EYS: variants seen among roughly 807,000 people sequenced by gnomAD.
EYS encodes the protein protein eyes shut homolog.
A neutral mutation model predicts 282.1 loss-of-function variants in EYS; 250 were observed. The observed-to-expected ratio is 0.89, with a 90% CI of 0.80 to 0.98. EYS has a LOEUF of 0.98. Among genes scored for constraint, EYS ranks in the 50% least tolerant of loss-of-function variants. The pLI, the probability that EYS is intolerant of heterozygous loss-of-function variation, is 0.00. For synonymous variants in EYS, 1,355 were observed against 1,282.9 expected, an observed-to-expected ratio of 1.06 and a Z score of -1.20; for missense variants, 4,016 against 3,709.0, an observed-to-expected ratio of 1.08 and a Z score of -2.15.
intron 12 of EYS, among the ~76,000 whole-genome samples, chr6:65,147,665 T>C (rs962050217): frequency 2.0e-4 from 30 of 152,218 alleles, no homozygotes; most frequent in African/African-American, 7.2e-4. Flanking sequence ...CCCTTCTAAA[T>C]AGAACATAGA....
chr6:64,011,879 C>T (rs1018201469), intron 33 of EYS, among the ~76,000 whole-genome samples: 1 of 152,106 alleles, frequency 6.6e-6, no homozygotes, highest in African/African-American at 2.4e-5. Context: ...TTCACAGGTG[C>T]AAAACATAAA....
At chr6:64,832,374 C>G (rs1171421956) in intron 19 of EYS, among the ~76,000 whole-genome samples, 2 of 151,402 alleles carry the variant, frequency 1.3e-5, no homozygotes, top group Admixed American at 6.6e-5. Context: ...ATGATTCTAT[C>G]TGTATGAGGT....
chr6:64,866,025 G>T (rs1766415503), intron 19 of EYS, among the ~76,000 whole-genome samples: 1 of 151,920 alleles, frequency 6.6e-6, no homozygotes, highest in African/African-American at 2.4e-5. Context: ...AATTGAAAGT[G>T]TTAAGTAAAA....
At chr6:65,124,836 T>C (rs1299430601) in intron 12 of EYS, among the ~76,000 whole-genome samples, 1 of 152,212 alleles carries the variant, frequency 6.6e-6, no homozygotes, top group East Asian at 1.9e-4. Context: ...ATTACACACC[T>C]CTTTTGTATT....
At chr6:64,087,906 T>A (rs189494097) in intron 31 of EYS, among the ~76,000 whole-genome samples, 2 of 152,224 alleles carry the variant, frequency 1.3e-5, no homozygotes, top group East Asian at 3.9e-4. Flanking sequence ...AATAAAAATA[T>A]AATTCAATTT....
chr6:63,747,445 G>A (rs907148056), intron 41 of EYS, among the ~76,000 whole-genome samples: 1 of 152,204 alleles, frequency 6.6e-6, no homozygotes, highest in East Asian at 1.9e-4. Flanking sequence ...AAAGAGTTCT[G>A]TAGATGTCTA....
At chr6:65,629,126 A>G (rs192664756) in intron 2 of EYS, among the ~76,000 whole-genome samples, 1 of 152,352 alleles carries the variant, frequency 6.6e-6, no homozygotes, top group African/African-American at 2.4e-5. Flanking sequence ...CAATCCTTTC[A>G]GTTCAACAAA....
intron 34 of EYS, among the ~76,000 whole-genome samples, chr6:63,992,486 A>G (rs1198367004): frequency 6.6e-6 from 1 of 151,822 alleles, no homozygotes; most frequent in African/African-American, 2.4e-5. Context: ...TATTTTTATG[A>G]TTAATAACAT....
chr6:65,702,542 A>C (rs571141640), intron 1 of EYS, among the ~76,000 whole-genome samples: 2 of 152,196 alleles, frequency 1.3e-5, no homozygotes, highest in South Asian at 2.1e-4. Context: ...AAATACAAAA[A>C]TTAGCCAGGC....
intron 2 of EYS, among the ~76,000 whole-genome samples, chr6:65,628,159 T>TAGC (rs1766784445): frequency 6.6e-6 from 1 of 151,902 alleles, no homozygotes; most frequent in Non-Finnish European, 1.5e-5. Context: ...CCTTTATGTC[T>TAGC]AGCTCAGGGA....
At chr6:65,416,957 T>C (rs146801185) in intron 5 of EYS, among the ~76,000 whole-genome samples, 23 of 152,062 alleles carry the variant, frequency 1.5e-4, no homozygotes, top group African/African-American at 5.3e-4. Flanking sequence ...TGTTTACCTA[T>C]GTTTGATTAC....
At chr6:64,599,457 T>C (rs1319585251) in intron 24 of EYS, among the ~76,000 whole-genome samples, 1 of 152,162 alleles carries the variant, frequency 6.6e-6, no homozygotes, top group Non-Finnish European at 1.5e-5. Context: ...TAAATTTGTA[T>C]TCCTATCAAT....
chr6:65,043,518 C>T (rs1436225798), intron 13 of EYS, among the ~76,000 whole-genome samples: 1 of 151,170 alleles, frequency 6.6e-6, no homozygotes, highest in African/African-American at 2.4e-5. Flanking sequence ...AGCTTTGTAC[C>T]CTTTTATCAA....
chr6:64,490,712 A>T (rs1776711253), intron 26 of EYS, among the ~76,000 whole-genome samples: 1 of 150,914 alleles, frequency 6.6e-6, no homozygotes. Flanking sequence ...TAAATATTGA[A>T]AAAGCAAAGG....
At chr6:65,207,244 C>T (rs2150249693) in intron 12 of EYS, among the ~76,000 whole-genome samples, 1 of 151,318 alleles carries the variant, frequency 6.6e-6, no homozygotes, top group Non-Finnish European at 1.5e-5. Flanking sequence ...GAGCTGAGAA[C>T]CATATAAAAA....
chr6:65,192,364 A>G (rs1206157398), intron 12 of EYS, among the ~76,000 whole-genome samples: 1 of 149,618 alleles, frequency 6.7e-6, no homozygotes, highest in African/African-American at 2.5e-5. Context: ...TTGCCTTTCT[A>G]TACAAGTTCA....
chr6:64,191,306 T>C (rs890112720), intron 31 of EYS, among the ~76,000 whole-genome samples: 1 of 151,854 alleles, frequency 6.6e-6, no homozygotes, highest in African/African-American at 2.4e-5. Flanking sequence ...AAAATAGCCT[T>C]ATTCTTTTTC....
At chr6:65,123,354 T>C (rs1286100226) in intron 12 of EYS, among the ~76,000 whole-genome samples, 1 of 152,186 alleles carries the variant, frequency 6.6e-6, no homozygotes, top group Non-Finnish European at 1.5e-5. Context: ...GCTTTTAATA[T>C]ACCTTATTAG....
rs1237415291 is a variant in EYS, at chr6:65,318,191, G to A, written c.1766+16789C>T. On this transcript the variant is annotated intron_variant, in intron 11 of 42. Transcript: ENST00000503581. ...TGGAGGCTCCATTTTTTTTTTTACCGTGCAGTCCTCTCCATAGAACTGTTC... is the reference window on the plus strand; with the variant it reads ...TGGAGGCTCCATTTTTTTTTTTACCATGCAGTCCTCTCCATAGAACTGTTC... 3.4e-5 allele frequency among the ~76,000 whole-genome samples: 5 copies of A among 148,786 alleles called. No homozygotes were observed. The South Asian group carries it at 6.4e-4, about 19-fold the overall frequency.
Sources: allele counts gnomAD v4.1 joint callset (sites outside exome capture counted in the v4.1 genomes callset), GRCh38; gene constraint gnomAD v4.1.1; transcripts MANE v1.5; gene names NCBI Gene and HGNC (gene_info 2026-07-23, HGNC 2026-07-21).